Variants in MAP3K13 observed in about 807,000 individuals in gnomAD.
MAP3K13 encodes the protein leucine zipper-bearing kinase.
In MAP3K13, 52 loss-of-function variants were observed where a neutral mutation model predicts 104.0. The ratio of observed to expected loss-of-function variants is 0.50; its 90% confidence interval spans 0.40 to 0.63. The LOEUF (loss-of-function observed/expected upper bound fraction) is 0.63. Among genes scored for constraint, MAP3K13 ranks in the 20% least tolerant of loss-of-function variants. The pLI, the probability that MAP3K13 is intolerant of heterozygous loss-of-function variation, is 0.00. For missense variants in MAP3K13, 914 were observed against 1,218.5 expected (o/e 0.75, Z 3.72); for synonymous variants, 394 against 442.2 (o/e 0.89, Z 1.37).
chr3:185,365,950 T>TCCCC (rs1202125069), intron 1 of MAP3K13, among the ~76,000 whole-genome samples: 2 of 58,212 alleles, frequency 3.4e-5, no homozygotes, highest in African/African-American at 1.1e-4. Flanking sequence ...CCTCCCTCCC[T>TCCCC]CCCTTCCTTC....
At chr3:185,454,858 T>C (rs1162657264) in intron 7 of MAP3K13, among the ~76,000 whole-genome samples, 1 of 61,368 alleles carries the variant, frequency 1.6e-5, no homozygotes, top group Non-Finnish European at 3.3e-5. Flanking sequence ...GATATATACA[T>C]GATATATATA....
rs1481228809 is a variant in MAP3K13 at position 185,454,724 on chromosome 3, T to TGA, written c.1278+3330_1278+3331dup. Among the ~76,000 whole-genome samples, 6 of 23,238 alleles carry TGA rather than the reference T, an allele frequency of 2.6e-4. 1 individual carries two copies. The highest frequency in any genetic ancestry group is 4.3e-4 in the African/African-American group (6 of 13,960). The allele number at this position is 23,238 out of a possible 152,430, so 15.2% of individuals were successfully genotyped here. On this transcript the variant is annotated intron_variant, in intron 7 of 13. Transcript: ENST00000265026. Reference sequence around the variant, plus strand: ...ATATATATCATATATGAGATATATATGATATATATGATATATATATCATAT... The same window carrying TGA: ...ATATATATCATATATGAGATATATATGAGATATATATGATATATATATCATAT...
chr3:185,375,273 G>A (rs1034980206), intron 1 of MAP3K13, among the ~76,000 whole-genome samples: 5 of 152,164 alleles, frequency 3.3e-5, no homozygotes, highest in South Asian at 2.1e-4. Context: ...TTCCTGACAC[G>A]AGGCATCTGA....
chr3:185,455,312 TATATATGAGATATATATG>T (rs1716453621), intron 7 of MAP3K13, among the ~76,000 whole-genome samples: 2 of 116,354 alleles, frequency 1.7e-5, no homozygotes, highest in African/African-American at 6.4e-5. Context: ...ATATATGAGA[TATATATGAGATATATATG>T]ATATATATGA....
At chr3:185,437,987 A>T (rs74614762) in intron 3 of MAP3K13, among the ~76,000 whole-genome samples, 14,260 of 152,198 alleles carry the variant, frequency 0.094, 920 homozygotes, top group South Asian at 0.24. Flanking sequence ...GAACAGCCTA[A>T]GATTCACTTA....
intron 2 of MAP3K13, among the ~76,000 whole-genome samples, chr3:185,435,345 G>A (rs1714975214): frequency 6.6e-6 from 1 of 152,008 alleles, no homozygotes; most frequent in South Asian, 2.1e-4. Context: ...CCCCTAATGA[G>A]GAAAACTATC....
intron 11 of MAP3K13, among the ~76,000 whole-genome samples, chr3:185,475,837 C>CAAG: frequency 6.6e-6 from 1 of 152,116 alleles, no homozygotes; most frequent in South Asian, 2.1e-4. Context: ...GGCAACAGAG[C>CAAG]AAGACTCTGT....
chr3:185,436,446 G>A (rs1364098069), intron 2 of MAP3K13, among the ~76,000 whole-genome samples: 2 of 152,064 alleles, frequency 1.3e-5, no homozygotes. Context: ...TCGTAAAATT[G>A]GCCAATCCTG....
intron 1 of MAP3K13, among the ~76,000 whole-genome samples, chr3:185,395,585 C>T (rs1472573849): frequency 1.3e-5 from 2 of 150,598 alleles, no homozygotes; most frequent in Non-Finnish European, 3.0e-5. Flanking sequence ...GTCTCGATCT[C>T]CTGACCTCGT....
intron 1 of MAP3K13, among the ~76,000 whole-genome samples, chr3:185,392,108 T>C (rs1712091082): frequency 6.6e-6 from 1 of 152,172 alleles, no homozygotes; most frequent in African/African-American, 2.4e-5. Flanking sequence ...GGTTTGAACA[T>C]GTTGGATATA....
At chr3:185,429,112 C>T in intron 2 of MAP3K13, 56 bp downstream of exon 2, 1 of 1,486,876 alleles carries the variant, frequency 6.7e-7, no homozygotes, top group Non-Finnish European at 9.2e-7. Context: ...CCATCACCAC[C>T]ACCGTCACCA....
chr3:185,349,069 C>G (rs1354654406), intron 2 of MAP3K13, among the ~76,000 whole-genome samples: 1 of 151,818 alleles, frequency 6.6e-6, no homozygotes. Context: ...GAACTAGGAA[C>G]AAGCAGCAGC....
intron 2 of MAP3K13, among the ~76,000 whole-genome samples, chr3:185,308,685 C>G (rs146748806): frequency 8.3e-4 from 127 of 152,308 alleles, no homozygotes; most frequent in African/African-American, 2.8e-3. Context: ...TCAAGCTGGA[C>G]AGTAACCATT....
chr3:185,323,676 G>A (rs551943390), intron 2 of MAP3K13, among the ~76,000 whole-genome samples: 137 of 152,206 alleles, frequency 9.0e-4, no homozygotes, highest in Middle Eastern at 3.4e-3. Flanking sequence ...TTAGATATCT[G>A]TACTATAATT....
At chr3:185,287,270 G>A (rs1175915618) in intron 2 of MAP3K13, among the ~76,000 whole-genome samples, 13 of 152,146 alleles carry the variant, frequency 8.5e-5, no homozygotes, top group Admixed American at 7.9e-4. Flanking sequence ...TTACTGAATA[G>A]GATGAACTTT....
chr3:185,387,263 A>C (rs1711750755), intron 1 of MAP3K13, among the ~76,000 whole-genome samples: 1 of 152,066 alleles, frequency 6.6e-6, no homozygotes, highest in African/African-American at 2.4e-5. Flanking sequence ...TGAATATACT[A>C]ATGCTCTTCC....
At chr3:185,451,481 T>C (rs1306490024) in intron 7 of MAP3K13, 86 bp downstream of exon 7, 1 of 851,664 alleles carries the variant, frequency 1.2e-6, no homozygotes, top group Non-Finnish European at 2.0e-6. Context: ...GGGCCCATTG[T>C]GTTTGTTATA....
At chr3:185,398,445 C>G (rs1461024391) in intron 1 of MAP3K13, among the ~76,000 whole-genome samples, 3 of 152,204 alleles carry the variant, frequency 2.0e-5, no homozygotes, top group Non-Finnish European at 4.4e-5. Flanking sequence ...TTGAATCTCA[C>G]TATACTTAGT....
intron 7 of MAP3K13, among the ~76,000 whole-genome samples, chr3:185,452,896 T>C (rs1715973239): frequency 1.3e-5 from 2 of 152,182 alleles, no homozygotes; most frequent in Non-Finnish European, 2.9e-5. Flanking sequence ...CCTGCTAATG[T>C]TCCATCGGCC....
Sources: gnomAD v4.1 joint callset for allele counts (sites outside exome capture counted in the v4.1 genomes callset) on GRCh38, gnomAD v4.1.1 for gene constraint, MANE v1.5 for transcripts, NCBI Gene and HGNC (gene_info 2026-07-23, HGNC 2026-07-21) for gene names.